Variants in FAAH2 observed in about 807,000 individuals in gnomAD.
FAAH2 encodes the protein fatty-acid amide hydrolase 2.
FAAH2 carries 60 observed loss-of-function variants against 36.9 expected under a neutral mutation model. The observed-to-expected ratio is 1.63, with a 90% CI of 1.32 to 2.02. The LOEUF is 2.02. Ranked by LOEUF, FAAH2 falls within the 30% of genes most tolerant of loss-of-function variation. The pLI, the probability that FAAH2 is intolerant of heterozygous loss-of-function variation, is 0.00. For synonymous variants in FAAH2, 214 were observed against 143.8 expected, an observed-to-expected ratio of 1.49 and a Z score of -3.49; for missense variants, 689 against 397.5, an observed-to-expected ratio of 1.73 and a Z score of -6.23.
At chrX:57,263,500 G>A in the FAAH2 span, among the ~76,000 whole-genome samples, 362 of 111,823 alleles carry the variant, frequency 3.2e-3, 2 homozygotes, top group South Asian at 0.011. Flanking sequence ...ATTGAACATA[G>A]TAAAGATGTT....
At chrX:57,300,322 TC>T (rs2052311791) in intron 2 of FAAH2, among the ~76,000 whole-genome samples, 2 of 111,765 alleles carry the variant, frequency 1.8e-5, no homozygotes, top group Admixed American at 1.9e-4. Context: ...AACTATCTGA[TC>T]TTTGACAAAC....
intron 2 of FAAH2, among the ~76,000 whole-genome samples, chrX:57,301,744 A>T (rs1048692174): frequency 3.6e-5 from 4 of 111,281 alleles, no homozygotes; most frequent in Non-Finnish European, 7.5e-5. Context: ...TCAACATTGC[A>T]TAGTCATTTT....
At chrX:57,410,798 G>T (rs1426336714) in intron 7 of FAAH2, among the ~76,000 whole-genome samples, 1 of 110,921 alleles carries the variant, frequency 9.0e-6, no homozygotes, top group Non-Finnish European at 1.9e-5. Flanking sequence ...GTATCTCTTT[G>T]TTGTACTTCT....
the FAAH2 span, among the ~76,000 whole-genome samples, chrX:57,255,554 G>A: frequency 2.6e-3 from 296 of 112,046 alleles, 1 homozygote; most frequent in Middle Eastern, 4.6e-3. Context: ...AAATGCAGCA[G>A]CACATCAGAA....
At chrX:57,153,855 G>T in the FAAH2 span, among the ~76,000 whole-genome samples, 5 of 112,697 alleles carry the variant, frequency 4.4e-5, no homozygotes, top group Non-Finnish European at 9.4e-5. Flanking sequence ...ATCTTTTTGA[G>T]ATGAATTTCC....
At position 57,341,368 on chromosome X, in the gene FAAH2, A is replaced by G; in HGVS notation, c.720A>G (p.Ile240Met). ...SIRMPAFFNGIFGHKPSPGVV... is the reference protein window; with the variant it reads ...SIRMPAFFNGMFGHKPSPGVV... ...GAATGCCTGCTTTCTTCAATGGTAT[A>G]TTTGGACACAAGCCTTCTCCAGGTA... The change falls in exon 5 of 11, where the codon ATA (isoleucine) becomes ATG (methionine). Residue 240 changes from isoleucine (I) to methionine (M), a missense_variant. Ile to Met is a conservative substitution (Grantham distance 10). Coordinates refer to ENST00000374900, the MANE Select transcript of FAAH2 (RefSeq NM_174912.4). 8.3e-7 allele frequency: 1 copy of G among 1,209,836 alleles called. No homozygotes were observed. The highest frequency in any genetic ancestry group is 1.1e-6 in the Non-Finnish European group (1 of 894,474).
chrX:57,480,878 G>A (rs896227256), intron 10 of FAAH2, among the ~76,000 whole-genome samples: 3 of 110,309 alleles, frequency 2.7e-5, no homozygotes, highest in Non-Finnish European at 5.7e-5. Context: ...GACCCCAGTC[G>A]ATCGTAGGTT....
At chrX:57,258,856 C>A in the FAAH2 span, among the ~76,000 whole-genome samples, 5 of 107,531 alleles carry the variant, frequency 4.6e-5, no homozygotes, top group Non-Finnish European at 9.6e-5. Flanking sequence ...CTACAGGCAC[C>A]TGCCACCACG....
chrX:57,448,567 A>C lies in FAAH2; in HGVS notation c.1272A>C (p.Lys424Asn). Residue 424 changes from lysine to asparagine, a missense_variant, in exon 10 of 11, where the codon AAA becomes AAC. By Grantham distance (94) the Lys-to-Asn change is moderately conservative. Transcript: ENST00000374900. ...AAAAGCTCAGATATAGCAATGAGAA[A>C]TACCAAAAGTTTAAGGCAGTGGAAG... ...LEEKLRYSNEKYQKFKAVEES... is the reference protein window; with the variant it reads ...LEEKLRYSNENYQKFKAVEES... The C allele has an allele frequency of 8.3e-7, 1 of 1,211,592 alleles. No homozygotes were observed. Among genetic ancestry groups the C allele is most frequent in the African/African-American group, 1.7e-5 (1 of 57,828 alleles).
intron 2 of FAAH2, among the ~76,000 whole-genome samples, chrX:57,295,530 C>T (rs1602181389): frequency 8.9e-6 from 1 of 111,945 alleles, no homozygotes; most frequent in Non-Finnish European, 1.9e-5. Context: ...CCAGCGTAAG[C>T]GACGCAGAAG....
At chrX:57,478,951 G>A (rs1214369595) in intron 10 of FAAH2, among the ~76,000 whole-genome samples, 3 of 111,532 alleles carry the variant, frequency 2.7e-5, no homozygotes, top group Non-Finnish European at 3.8e-5. Context: ...TTTTGGCTTA[G>A]GATTGACTTG....
chrX:57,154,990 C>T, the FAAH2 span, among the ~76,000 whole-genome samples: 1 of 111,351 alleles, frequency 9.0e-6, no homozygotes, highest in Non-Finnish European at 1.9e-5. Context: ...CAGGTTGGTA[C>T]TGGGGGTTGT....
chrX:57,275,926 G>C, the FAAH2 span, among the ~76,000 whole-genome samples: 14 of 111,481 alleles, frequency 1.3e-4, no homozygotes, highest in Non-Finnish European at 1.7e-4. Flanking sequence ...CATAAAGCAA[G>C]TCCTTAGATA....
At chrX:57,202,875 C>G in the FAAH2 span, among the ~76,000 whole-genome samples, 1 of 111,909 alleles carries the variant, frequency 8.9e-6, no homozygotes, top group Non-Finnish European at 1.9e-5. Flanking sequence ...CCACTTCTCC[C>G]TCCCCATTCT....
At chrX:57,198,336 G>A in the FAAH2 span, among the ~76,000 whole-genome samples, 1 of 111,555 alleles carries the variant, frequency 9.0e-6, no homozygotes, top group African/African-American at 3.3e-5. Context: ...TGTCATACAG[G>A]TCACCAGAGA....
At chrX:57,302,111 A>C (rs943191894) in intron 2 of FAAH2, among the ~76,000 whole-genome samples, 4 of 111,723 alleles carry the variant, frequency 3.6e-5, no homozygotes, top group African/African-American at 1.3e-4. Flanking sequence ...CAATCTGTGA[A>C]TGACATAGAA....
chrX:57,231,824 C>T, the FAAH2 span, among the ~76,000 whole-genome samples: 2 of 111,606 alleles, frequency 1.8e-5, no homozygotes, highest in Non-Finnish European at 3.8e-5. Flanking sequence ...TCTATGTCTA[C>T]TTGGGTTAGA....
chrX:57,384,799 A>G (rs2054968614), intron 7 of FAAH2, among the ~76,000 whole-genome samples: 1 of 111,768 alleles, frequency 8.9e-6, no homozygotes, highest in Non-Finnish European at 1.9e-5. Context: ...TAGAAATACC[A>G]TTTGACCCAG....
the FAAH2 span, among the ~76,000 whole-genome samples, chrX:57,256,152 T>G: frequency 9.0e-6 from 1 of 111,686 alleles, no homozygotes; most frequent in South Asian, 3.8e-4. Flanking sequence ...AGCCAGATTA[T>G]GATCGAACTC....
Sources: allele counts gnomAD v4.1 joint callset (sites outside exome capture counted in the v4.1 genomes callset), GRCh38; gene constraint gnomAD v4.1.1; transcripts MANE v1.5; gene names NCBI Gene and HGNC (gene_info 2026-07-23, HGNC 2026-07-21).